THYN1: variants seen among roughly 807,000 people sequenced by gnomAD.
THYN1 encodes the protein thymocyte protein thy28.
THYN1 carries 32 observed loss-of-function variants against 30.6 expected under a neutral mutation model. That is an observed-to-expected ratio of 1.05 (90% CI 0.79 to 1.40). The LOEUF (loss-of-function observed/expected upper bound fraction) is 1.40, where lower values mean the gene tolerates loss of function less well. Among genes scored for constraint, THYN1 ranks in the 40% most tolerant of loss-of-function variants. The pLI is 0.00. For synonymous variants in THYN1, 107 were observed against 90.8 expected (o/e 1.18, Z -1.01); for missense variants, 259 against 272.6 (o/e 0.95, Z 0.35).
intron 4 of THYN1, 57 bp from the exon 5 acceptor site, chr11:134,249,319 CTT>C (rs1427076622): frequency 1.9e-6 from 3 of 1,539,896 alleles, no homozygotes; most frequent in Non-Finnish European, 1.8e-6. Context: ...CACAGCCAAT[CTT>C]TTAATCCATA....
At chr11:134,252,776 T>G in intron 1 of THYN1, 64 bp downstream of exon 1, 1 of 1,589,926 alleles carries the variant, frequency 6.3e-7, no homozygotes, top group Admixed American at 1.7e-5. Context: ...AAATGAGTAC[T>G]AAACAGGCTC....
intron 2 of THYN1, 148 bp from the exon 3 acceptor site, chr11:134,250,491 GAC>G: frequency 1.2e-6 from 1 of 800,162 alleles, no homozygotes; most frequent in Non-Finnish European, 2.0e-6. Flanking sequence ...GCTCCACAGA[GAC>G]ACTTTTGCTG....
At chr11:134,252,606 G>A (rs928133718) in intron 1 of THYN1, among the ~76,000 whole-genome samples, 13 of 152,080 alleles carry the variant, frequency 8.5e-5, no homozygotes, top group Non-Finnish European at 1.8e-4. Flanking sequence ...CACGCCACCT[G>A]GTATCTCAAA....
At position 134,253,197 on chromosome 11, in the gene THYN1, T is replaced by A. The variant is rs1406085691; in HGVS notation, c.-315A>T. 2 of 1,324,866 alleles carry A rather than the reference T, an allele frequency of 1.5e-6. No individual in the cohort carries two copies. Among genetic ancestry groups the A allele is most frequent in the Non-Finnish European group, 1.9e-6 (2 of 1,039,858 alleles). The allele number at this position is 1,324,866 out of a possible 1,614,324, so 82.1% of individuals were successfully genotyped here. ...AAGTGGCTCCACAGAGACACTTTTGTTGGGTGAATATAAGTAAGCCTTGTG... is the reference window on the plus strand; with the variant it reads ...AAGTGGCTCCACAGAGACACTTTTGATGGGTGAATATAAGTAAGCCTTGTG... On this transcript the variant is annotated 5_prime_UTR_variant, in exon 1 of 7. Coordinates refer to ENST00000341541, the MANE Select transcript of THYN1 (RefSeq NM_014174.3).
chr11:134,248,302 G>GA lies in THYN1; in HGVS notation c.*135dup, dbSNP rs1173409079. On this transcript the variant is annotated 3_prime_UTR_variant, in exon 7 of 7. Transcript: ENST00000341541. ...AGTTCTTCAACTTTGATATTTTATTGAAAAAAGTACACAAAAACCACTGAG... is the reference window on the plus strand; with the variant it reads ...AGTTCTTCAACTTTGATATTTTATTGAAAAAAAGTACACAAAAACCACTGAG... 9.6e-7 allele frequency: 1 copy of GA among 1,039,548 alleles called. No individual in the cohort carries two copies. The highest frequency in any genetic ancestry group is 2.4e-5 in the East Asian group (1 of 42,268). The allele number at this position is 1,039,548 out of a possible 1,614,324, so 64.4% of individuals were successfully genotyped here.
intron 4 of THYN1, 147 bp downstream of exon 4, chr11:134,249,681 G>A: frequency 1.4e-6 from 1 of 739,028 alleles, no homozygotes; most frequent in Non-Finnish European, 2.2e-6. Context: ...AAGGGGCCAG[G>A]GCAGTTTTTC....
chr11:134,251,108 G>A (rs377517561), intron 2 of THYN1, 22 bp downstream of exon 2: 18 of 1,591,958 alleles, frequency 1.1e-5, no homozygotes, highest in Admixed American at 1.8e-5. Context: ...TGAAGGGACT[G>A]GAGACAGGTC....
intron 1 of THYN1, among the ~76,000 whole-genome samples, chr11:134,252,146 C>T (rs951287810): frequency 6.6e-6 from 1 of 152,200 alleles, no homozygotes; most frequent in African/African-American, 2.4e-5. Context: ...TAGTCAAAGT[C>T]CCTACATCAA....
intron 3 of THYN1, 32 bp downstream of exon 3, chr11:134,250,243 G>T: frequency 6.2e-7 from 1 of 1,612,936 alleles, no homozygotes. Flanking sequence ...ATCCCACCTG[G>T]GTCTCAGGCG....
chr11:134,248,558 A>C, intron 6 of THYN1, 74 bp from the exon 7 acceptor site: 1 of 1,564,070 alleles, frequency 6.4e-7, no homozygotes, highest in African/African-American at 1.4e-5. Flanking sequence ...TGTGCCAGGC[A>C]CAGGTACATC....
Position 134,248,361 on chromosome 11 carries a change from C to T in THYN1, c.*77G>A, listed in dbSNP as rs1212879728. 1 of 1,539,314 alleles carries T rather than the reference C, an allele frequency of 6.5e-7. No individual in the cohort carries two copies. The highest frequency in any genetic ancestry group is 2.2e-5 in the East Asian group (1 of 44,502). On this transcript the variant is annotated 3_prime_UTR_variant, in exon 7 of 7. Coordinates refer to ENST00000341541, the MANE Select transcript of THYN1 (RefSeq NM_014174.3). ...GCCCAGGTAAGCATACCAAGCAAGC[C>T]CCCTCACACCTTTTGTCTGAAAAAA...
chr11:134,249,713 TG>T (rs1938958298), intron 4 of THYN1, 114 bp downstream of exon 4: 18 of 954,716 alleles, frequency 1.9e-5, no homozygotes, highest in Non-Finnish European at 2.8e-5. Flanking sequence ...AAAAGGGGGA[TG>T]GGGTGGGGGG....
intron 2 of THYN1, 58 bp from the exon 3 acceptor site, chr11:134,250,401 A>G: frequency 6.3e-7 from 1 of 1,589,808 alleles, no homozygotes; most frequent in Non-Finnish European, 8.6e-7. Context: ...TAGTAAGCAC[A>G]TATGGAAGCA....
chr11:134,248,962 A>G lies in THYN1; in HGVS notation c.481-3T>C, dbSNP rs780522398. On this transcript the variant is annotated splice_polypyrimidine_tract_variant and splice_region_variant and intron_variant, in intron 5 of 6. Transcript: ENST00000341541. The stretch of plus-strand genomic sequence containing the variant: ...ATCCGAACAAACTGTACATCCACCT[A>G]TGTGACAACAGTGTACATGACAGAA... The G allele has an allele frequency of 6.8e-6, 11 of 1,614,084 alleles. No homozygotes were observed. Among genetic ancestry groups the G allele is most frequent in the South Asian group, 1.1e-5 (1 of 91,086 alleles).
At position 134,249,940 on chromosome 11, in the gene THYN1, A is replaced by G; in HGVS notation, c.292-20T>C. 1 of 1,606,350 alleles carries G rather than the reference A, an allele frequency of 6.2e-7. No individual in the cohort carries two copies. The highest frequency in any genetic ancestry group is 1.1e-5 in the South Asian group (1 of 90,408). On this transcript the variant is annotated intron_variant, in intron 3 of 6. Transcript: ENST00000341541. Reference sequence around the variant, plus strand: ...CCGAGCCTGTCCCGGGAGAAGAAAGAGTAACTATCCTCCCACCAGCTGGAA... The same window carrying G: ...CCGAGCCTGTCCCGGGAGAAGAAAGGGTAACTATCCTCCCACCAGCTGGAA...
chr11:134,248,798 C>T lies in THYN1; in HGVS notation c.631+11G>A. 6.2e-7 allele frequency: 1 copy of T among 1,613,824 alleles called. No individual in the cohort carries two copies. Among genetic ancestry groups the T allele is most frequent in the Non-Finnish European group, 8.5e-7 (1 of 1,179,840 alleles). On this transcript the variant is annotated intron_variant, in intron 6 of 6. Coordinates refer to ENST00000341541, the MANE Select transcript of THYN1 (RefSeq NM_014174.3). ...GGTATATGGACAATAAAGGAGAGGG[C>T]CCACTCTTACCCTGGGTCAGGGGCT...
rs767562226 is a variant in THYN1 at position 134,250,315 on chromosome 11, G to T, written c.251C>A (p.Pro84His). The change falls in exon 3 of 7, where the codon CCC becomes CAC. Residue 84 changes from proline (P) to histidine (H), a missense_variant. Pro to His is a moderately conservative substitution (Grantham distance 77). Transcript: ENST00000341541. ...ACCATCCCAGCATGTTGTCTGTTTG[G>T]GCTGTGCTTTGAGATCCTCAATGCT... ...KFSIEDLKAQ[P>H]KQTTCWDGVR... is the part of the protein sequence containing the mutation. 1 of 1,614,040 alleles carries T rather than the reference G, an allele frequency of 6.2e-7. No homozygotes were observed. The highest frequency in any genetic ancestry group is 1.1e-5 in the South Asian group (1 of 91,074).
intron 1 of THYN1, among the ~76,000 whole-genome samples, chr11:134,252,625 G>A (rs1217459790): frequency 1.3e-5 from 2 of 152,158 alleles, no homozygotes; most frequent in Non-Finnish European, 2.9e-5. Context: ...AAGAGTCTTT[G>A]TGCACAACAA....
intron 2 of THYN1, 102 bp from the exon 3 acceptor site, chr11:134,250,445 T>C: frequency 7.9e-7 from 1 of 1,261,596 alleles, no homozygotes; most frequent in Non-Finnish European, 1.1e-6. Flanking sequence ...GAGGGGCCAC[T>C]GGCTATAGAG....
Sources: allele counts gnomAD v4.1 joint callset (sites outside exome capture counted in the v4.1 genomes callset), GRCh38; gene constraint gnomAD v4.1.1; transcripts MANE v1.5; gene names NCBI Gene and HGNC (gene_info 2026-07-23, HGNC 2026-07-21).